The following NUCKS1 variants were observed in gnomAD, a reference collection of about 807,000 sequenced individuals.
NUCKS1 encodes the protein nuclear casein kinase and cyclin dependent kinase substrate 1.
In NUCKS1, 2 loss-of-function variants were observed where a neutral mutation model predicts 33.0. That is an observed-to-expected ratio of 0.06 (90% CI 0.02 to 0.19). The LOEUF (loss-of-function observed/expected upper bound fraction) is 0.19. Among genes scored for constraint, NUCKS1 ranks in the 10% least tolerant of loss-of-function variants. The pLI is 1.00. For missense variants in NUCKS1, 201 were observed against 293.6 expected (o/e 0.68, Z 2.31); for synonymous variants, 106 against 102.8 (o/e 1.03, Z -0.19).
At position 205,718,057 on chromosome 1, in the gene NUCKS1, A is replaced by C; in HGVS notation, c.*223T>G. On this transcript the variant is annotated 3_prime_UTR_variant, in exon 7 of 7. Coordinates refer to ENST00000367142, the MANE Select transcript of NUCKS1 (RefSeq NM_022731.5). Reference sequence around the variant, plus strand: ...AGACCAATAGACAAAAAGGTAACTTAAACACTTACACATACAATGGTTTGC... The same window carrying C: ...AGACCAATAGACAAAAAGGTAACTTCAACACTTACACATACAATGGTTTGC... 5 of 1,190,148 alleles carry C rather than the reference A, an allele frequency of 4.2e-6. No homozygotes were observed. Among genetic ancestry groups the C allele is most frequent in the Non-Finnish European group, 5.2e-6 (5 of 965,492 alleles). 73.7% of individuals were successfully genotyped at this position (1,190,148 alleles called of 1,614,324 possible). A position where few individuals can be genotyped will look rare whatever the true frequency, so the allele number is the denominator to read the frequency against.
intron 1 of NUCKS1, among the ~76,000 whole-genome samples, chr1:205,733,830 T>G (rs1653971904): frequency 6.6e-6 from 1 of 152,088 alleles, no homozygotes; most frequent in Non-Finnish European, 1.5e-5. Context: ...TATCTGTATC[T>G]ATCTAGACAG....
chr1:205,725,028 C>A (rs1362146884), intron 3 of NUCKS1, among the ~76,000 whole-genome samples: 1 of 152,176 alleles, frequency 6.6e-6, no homozygotes, highest in Non-Finnish European at 1.5e-5. Flanking sequence ...ATTCTAGTAT[C>A]CTATCTCTCT....
At chr1:205,742,572 C>T (rs1478506679) in intron 1 of NUCKS1, among the ~76,000 whole-genome samples, 1 of 152,170 alleles carries the variant, frequency 6.6e-6, no homozygotes, top group Non-Finnish European at 1.5e-5. Flanking sequence ...CGCCTGTAAT[C>T]CCAGCACTTT....
intron 4 of NUCKS1, 57 bp from the exon 5 acceptor site, chr1:205,720,710 TAGTGCAAAA>T: frequency 6.7e-7 from 1 of 1,497,624 alleles, no homozygotes; most frequent in Non-Finnish European, 9.0e-7. Flanking sequence ...TTTGACAAGA[TAGTGCAAAA>T]GATTAATAAT....
intron 3 of NUCKS1, among the ~76,000 whole-genome samples, chr1:205,725,440 CAT>C (rs1029402172): frequency 1.3e-5 from 2 of 152,196 alleles, no homozygotes; most frequent in African/African-American, 4.8e-5. Flanking sequence ...AATGACCAAA[CAT>C]ATTCCTTTAC....
At chr1:205,718,522 T>A (rs769253818) in intron 6 of NUCKS1, 43 bp from the exon 7 acceptor site, 1 of 1,595,586 alleles carries the variant, frequency 6.3e-7, no homozygotes, top group Non-Finnish European at 8.5e-7. Context: ...GAGAAAAAAA[T>A]GTCTTTAATA....
At chr1:205,748,134 G>T (rs1173802740) in intron 1 of NUCKS1, among the ~76,000 whole-genome samples, 1 of 152,050 alleles carries the variant, frequency 6.6e-6, no homozygotes, top group Non-Finnish European at 1.5e-5. Flanking sequence ...AAAACTGATA[G>T]AATGTGCTTA....
intron 1 of NUCKS1, among the ~76,000 whole-genome samples, chr1:205,745,967 T>C (rs951002118): frequency 6.6e-6 from 1 of 152,204 alleles, no homozygotes; most frequent in Admixed American, 6.5e-5. Flanking sequence ...ATTAATTACA[T>C]GTATGTTGAG....
intron 1 of NUCKS1, among the ~76,000 whole-genome samples, chr1:205,745,606 G>A (rs1159341532): frequency 6.6e-6 from 1 of 152,100 alleles, no homozygotes; most frequent in Non-Finnish European, 1.5e-5. Context: ...CAATGTGTAT[G>A]GAATGTATTC....
At chr1:205,748,777 G>A (rs1654394623) in intron 1 of NUCKS1, among the ~76,000 whole-genome samples, 2 of 152,232 alleles carry the variant, frequency 1.3e-5, no homozygotes, top group Non-Finnish European at 2.9e-5. Flanking sequence ...AACTTGGAAT[G>A]AAGGGGAAGC....
At chr1:205,719,737 G>C (rs1671888745) in intron 5 of NUCKS1, 61 bp from the exon 6 acceptor site, 2 of 1,549,526 alleles carry the variant, frequency 1.3e-6, no homozygotes, top group African/African-American at 2.8e-5. Context: ...AAGTAAAAAA[G>C]GAAGAGAGTG....
intron 1 of NUCKS1, 130 bp downstream of exon 1, chr1:205,749,827 C>G: frequency 1.0e-6 from 1 of 971,528 alleles, no homozygotes; most frequent in Non-Finnish European, 1.5e-6. Context: ...AGGGTGCGCG[C>G]GGGCCCCGAA....
chr1:205,726,291 G>A (rs1475220656), intron 3 of NUCKS1, among the ~76,000 whole-genome samples: 1 of 152,198 alleles, frequency 6.6e-6, no homozygotes. Flanking sequence ...TGAGATGGGA[G>A]GATCGCTTGA....
chr1:205,734,192 T>G (rs1481567153), intron 1 of NUCKS1, among the ~76,000 whole-genome samples: 1 of 152,190 alleles, frequency 6.6e-6, no homozygotes, highest in African/African-American at 2.4e-5. Context: ...AACTTGTTAC[T>G]TTAAACCTAA....
chr1:205,720,314 G>GT (rs1020878060), intron 5 of NUCKS1, among the ~76,000 whole-genome samples, 187 bp downstream of exon 5: 1 of 152,146 alleles, frequency 6.6e-6, no homozygotes, highest in Non-Finnish European at 1.5e-5. Flanking sequence ...GTGGGCAATC[G>GT]TGAGAATCTC....
intron 6 of NUCKS1, among the ~76,000 whole-genome samples, chr1:205,719,071 T>C (rs1216708226): frequency 1.3e-5 from 2 of 152,220 alleles, no homozygotes; most frequent in Non-Finnish European, 1.5e-5. Flanking sequence ...AATCAACTCA[T>C]GTCATCAAGT....
chr1:205,745,316 T>A (rs1305631685), intron 1 of NUCKS1, among the ~76,000 whole-genome samples: 1 of 152,060 alleles, frequency 6.6e-6, no homozygotes, highest in Non-Finnish European at 1.5e-5. Flanking sequence ...CTGAGCAACA[T>A]GGTGAAACCC....
intron 1 of NUCKS1, among the ~76,000 whole-genome samples, chr1:205,738,414 G>C (rs1001392342): frequency 6.7e-6 from 1 of 149,540 alleles, no homozygotes; most frequent in African/African-American, 2.4e-5. Context: ...CCCAGGACTA[G>C]AGGTGGACAC....
intron 1 of NUCKS1, 102 bp downstream of exon 1, chr1:205,749,855 C>G: frequency 7.7e-7 from 1 of 1,296,870 alleles, no homozygotes; most frequent in Admixed American, 2.1e-5. Flanking sequence ...AGGCCGCGCG[C>G]GGCACCGGGG....
Sources: gnomAD v4.1 joint callset for allele counts (sites outside exome capture counted in the v4.1 genomes callset) on GRCh38, gnomAD v4.1.1 for gene constraint, MANE v1.5 for transcripts, NCBI Gene and HGNC (gene_info 2026-07-23, HGNC 2026-07-21) for gene names.